FRMD4B: variants seen among roughly 807,000 people sequenced by gnomAD.
FRMD4B encodes the protein FERM domain-containing protein 4B.
A neutral mutation model predicts 141.5 loss-of-function variants in FRMD4B; 74 were observed. The observed-to-expected ratio is 0.52, with a 90% CI of 0.43 to 0.63. FRMD4B has a LOEUF of 0.63. FRMD4B is among the 30% of genes least tolerant of loss of function. The probability of loss-of-function intolerance (pLI) is 0.00; values close to 1 mark genes in which losing one functional copy is unlikely to be tolerated. For missense variants in FRMD4B, 1,366 were observed against 1,253.4 expected, an observed-to-expected ratio of 1.09 and a Z score of -1.36; for synonymous variants, 506 against 467.9, an observed-to-expected ratio of 1.08 and a Z score of -1.05.
At position 69,474,410 on chromosome 3, in the gene FRMD4B, C is replaced by T. The variant is rs116682855; in HGVS notation, c.-128-41649G>A. On this transcript the variant is annotated intron_variant, in intron 1 of 5. Coordinates refer to the FRMD4B transcript ENST00000459638. The stretch of plus-strand genomic sequence containing the variant: ...CGCTGAGTTAAGTTCCTGAGTATTG[C>T]TGCTCACTTCCTCATATTATTGTTC... Among the ~76,000 whole-genome samples the T allele has an allele frequency of 2.8e-3, 419 of 152,178 alleles. 2 individuals carry two copies. Among genetic ancestry groups the T allele is most frequent in the African/African-American group, 9.4e-3 (392 of 41,522 alleles).
chr3:69,311,601 G>A (rs963046245), intron 2 of FRMD4B, among the ~76,000 whole-genome samples: 5 of 152,086 alleles, frequency 3.3e-5, no homozygotes, highest in African/African-American at 7.2e-5. Context: ...ATTCACTCAA[G>A]TACCTTACAT....
intron 3 of FRMD4B, among the ~76,000 whole-genome samples, chr3:69,310,776 T>A (rs1414574741): frequency 6.6e-6 from 1 of 151,684 alleles, no homozygotes; most frequent in Non-Finnish European, 1.5e-5. Flanking sequence ...AAGAAAAAGA[T>A]AGTTGAGAAG....
chr3:69,415,455 C>T (rs775043450), intron 2 of FRMD4B, among the ~76,000 whole-genome samples: 1 of 152,092 alleles, frequency 6.6e-6, no homozygotes, highest in Non-Finnish European at 1.5e-5. Context: ...CCTTGTCCTA[C>T]GCCCCCTCTT....
At chr3:69,433,312 A>G (rs1217983596) in intron 1 of FRMD4B, among the ~76,000 whole-genome samples, 5 of 152,184 alleles carry the variant, frequency 3.3e-5, no homozygotes, top group African/African-American at 7.2e-5. Flanking sequence ...TCTCCCTACT[A>G]CAGAAAAGAA....
At chr3:69,217,545 C>T (rs1354957708) in intron 10 of FRMD4B, among the ~76,000 whole-genome samples, 6 of 152,100 alleles carry the variant, frequency 3.9e-5, no homozygotes, top group Non-Finnish European at 8.8e-5. Context: ...TTGATCAAAC[C>T]CGGGAGGCAG....
chr3:69,470,572 G>C (rs73835867), intron 1 of FRMD4B, among the ~76,000 whole-genome samples: 1 of 152,110 alleles, frequency 6.6e-6, no homozygotes, highest in Admixed American at 6.6e-5. Flanking sequence ...AAAGTTCATT[G>C]GTATTAGTAA....
At chr3:69,454,945 C>T (rs576322993) in intron 1 of FRMD4B, among the ~76,000 whole-genome samples, 22 of 152,342 alleles carry the variant, frequency 1.4e-4, no homozygotes, top group South Asian at 6.2e-4. Context: ...ATTGTGTATG[C>T]GCCCATCAGC....
chr3:69,192,194 G>A (rs771508279), intron 17 of FRMD4B, among the ~76,000 whole-genome samples: 1 of 151,892 alleles, frequency 6.6e-6, no homozygotes. Context: ...GACCAGCCTG[G>A]GCAACATGGT....
At chr3:69,204,546 T>C (rs913925740) in intron 11 of FRMD4B, among the ~76,000 whole-genome samples, 14 of 152,168 alleles carry the variant, frequency 9.2e-5, no homozygotes, top group African/African-American at 3.1e-4. Context: ...CACTATATTA[T>C]TGATTTATTC....
chr3:69,505,938 G>T (rs1267703704), intron 1 of FRMD4B, among the ~76,000 whole-genome samples: 3 of 152,150 alleles, frequency 2.0e-5, no homozygotes, highest in African/African-American at 4.8e-5. Context: ...AAATAGAATG[G>T]TCTCTGCAGC....
chr3:69,356,109 C>G (rs1048407341), intron 1 of FRMD4B, among the ~76,000 whole-genome samples: 1 of 152,170 alleles, frequency 6.6e-6, no homozygotes, highest in African/African-American at 2.4e-5. Context: ...AGGGGGGAAC[C>G]CCATATCCCC....
At chr3:69,234,277 T>C (rs889668960) in intron 7 of FRMD4B, among the ~76,000 whole-genome samples, 2 of 151,828 alleles carry the variant, frequency 1.3e-5, no homozygotes, top group African/African-American at 4.8e-5. Flanking sequence ...ATTAAATGTC[T>C]GTTACATAGG....
intron 12 of FRMD4B, chr3:69,198,056 G>A (rs1382010299): frequency 1.3e-5 from 2 of 150,314 alleles, no homozygotes; most frequent in Non-Finnish European, 3.0e-5. Flanking sequence ...CCTGGGAGGT[G>A]TAGGTTGCAG....
At chr3:69,196,708 A>G in intron 13 of FRMD4B, 192 bp downstream of exon 13, 1 of 591,516 alleles carries the variant, frequency 1.7e-6, no homozygotes, top group Non-Finnish European at 2.9e-6. Flanking sequence ...GGCCAGTCTT[A>G]CAACTTTTAA....
intron 5 of FRMD4B, among the ~76,000 whole-genome samples, chr3:69,260,941 A>T (rs2093523206): frequency 1.3e-5 from 2 of 152,232 alleles, no homozygotes; most frequent in East Asian, 3.9e-4. Flanking sequence ...ACTAATCAGT[A>T]CCCTGTCAAA....
intron 4 of FRMD4B, among the ~76,000 whole-genome samples, chr3:69,297,328 C>A (rs935487248): frequency 2.0e-5 from 3 of 152,086 alleles, no homozygotes; most frequent in African/African-American, 4.8e-5. Context: ...TCCGGGTTTC[C>A]TACTACAGTA....
intron 19 of FRMD4B, among the ~76,000 whole-genome samples, chr3:69,184,622 A>C (rs1004735441): frequency 6.6e-6 from 1 of 152,246 alleles, no homozygotes; most frequent in African/African-American, 2.4e-5. Flanking sequence ...ATCCATCTTA[A>C]GTGATTGGAG....
In FRMD4B at chr3:69,296,773, A is replaced by T. The variant is rs373956971; in HGVS notation, c.416+5570T>A. 4.6e-5 allele frequency among the ~76,000 whole-genome samples: 7 copies of T among 152,340 alleles called. No homozygotes were observed. The South Asian group carries it at 1.2e-3, about 27-fold the overall frequency. ...GATGGCTTTAAACAAATGCATGGTTATCTGGTCACAAACATTTTATCCTTT... is the reference window on the plus strand; with the variant it reads ...GATGGCTTTAAACAAATGCATGGTTTTCTGGTCACAAACATTTTATCCTTT... On this transcript the variant is annotated intron_variant, in intron 4 of 22. Transcript: ENST00000398540.
intron 2 of FRMD4B, among the ~76,000 whole-genome samples, chr3:69,425,064 T>C (rs1165184489): frequency 6.6e-6 from 1 of 152,238 alleles, no homozygotes; most frequent in Non-Finnish European, 1.5e-5. Flanking sequence ...AGGTAGGTGA[T>C]GTGCTATTAG....
Sources: allele counts gnomAD v4.1 joint callset (sites outside exome capture counted in the v4.1 genomes callset), GRCh38; gene constraint gnomAD v4.1.1; transcripts MANE v1.5; gene names NCBI Gene and HGNC (gene_info 2026-07-23, HGNC 2026-07-21).